LRRC61: variants seen among roughly 807,000 people sequenced by gnomAD.
The protein encoded by LRRC61 is leucine rich repeat containing 61.
In LRRC61, 9 loss-of-function variants were observed where a neutral mutation model predicts 15.1. That is an observed-to-expected ratio of 0.60 (90% confidence interval 0.36 to 1.04). The LOEUF is 1.04. Ranked by LOEUF, LRRC61 falls within the 50% of genes least tolerant of loss-of-function variation. The pLI is 0.01. For missense variants in LRRC61, 344 were observed against 335.6 expected (o/e 1.03, Z -0.20); for synonymous variants, 173 against 158.6 (o/e 1.09, Z -0.68).
rs963621244 is a variant in LRRC61, at chr7:150,335,882, T to C, written c.-144-836T>C. On this transcript the variant is annotated intron_variant, in intron 2 of 2. Transcript: ENST00000359623. This position sits in a 1 kb window ranked among gnomAD's most constrained non-coding sequence, Gnocchi z 4.3. ...GCAATTTGATGTGCCCCTCCCGGCT[T>C]TCTGGAGCCACCCTTCCCTCCCTCC... Among the ~76,000 whole-genome samples, 1 of 152,260 alleles carries C rather than the reference T, an allele frequency of 6.6e-6. No homozygotes were observed. Among genetic ancestry groups the C allele is most frequent in the African/African-American group, 2.4e-5 (1 of 41,474 alleles).
Position 150,336,703 on chromosome 7 carries a change from A to ACTGT in LRRC61, c.-144-12_-144-9dup. ...CACAGAAAGTGCTGCCTGCTGACTG[A>ACTGT]CTGTCTCTCCTCAGGGACTGGCTGG... On this transcript the variant is annotated splice_polypyrimidine_tract_variant and intron_variant, in intron 2 of 2. Coordinates refer to ENST00000359623, the MANE Select transcript of LRRC61 (RefSeq NM_001142928.2). 1 of 919,210 alleles carries ACTGT rather than the reference A, an allele frequency of 1.1e-6. No homozygotes were observed. Among genetic ancestry groups the ACTGT allele is most frequent in the Non-Finnish European group, 1.6e-6 (1 of 613,700 alleles). 56.9% of individuals were successfully genotyped at this position (919,210 alleles called of 1,614,324 possible).
upstream of LRRC61, among the ~76,000 whole-genome samples, chr7:150,320,802 C>G (rs2129617695): frequency 6.6e-6 from 1 of 152,296 alleles, no homozygotes; most frequent in Non-Finnish European, 1.5e-5. Flanking sequence ...TTTCCATTAA[C>G]TTGTTTCCTC....
intron 2 of LRRC61, among the ~76,000 whole-genome samples, chr7:150,334,314 G>A (rs1490063413): frequency 6.6e-6 from 1 of 152,074 alleles, no homozygotes; most frequent in African/African-American, 2.4e-5. Context: ...TAGTAGTGTT[G>A]GTCTCACTCC....
rs781373331 is a variant in LRRC61, at chr7:150,330,822, T to A, written c.-145+4812T>A. 5.6e-6 allele frequency: 9 copies of A among 1,609,618 alleles called. No homozygotes were observed. In the South Asian group the frequency reaches 7.7e-5, roughly 14 times the overall value. On this transcript the variant is annotated intron_variant, in intron 2 of 2. Coordinates refer to ENST00000359623, the MANE Select transcript of LRRC61 (RefSeq NM_001142928.2). This position sits in a 1 kb window ranked among gnomAD's most constrained non-coding sequence, Gnocchi z 4.6. The stretch of plus-strand genomic sequence containing the variant: ...GGACCCCACCAGGGTAGCCAAGAGC[T>A]CCGGGGTGGAGGGGAGAAGCCAGGG...
intron 2 of LRRC61, among the ~76,000 whole-genome samples, chr7:150,329,282 G>A (rs1296979654): frequency 2.6e-5 from 4 of 152,252 alleles, no homozygotes; most frequent in Non-Finnish European, 4.4e-5. Context: ...GTGAGGGACC[G>A]AGATTAAAGT....
At chr7:150,334,298 G>A (rs1043463343) in intron 2 of LRRC61, among the ~76,000 whole-genome samples, 5 of 152,148 alleles carry the variant, frequency 3.3e-5, no homozygotes, top group Admixed American at 1.3e-4. Flanking sequence ...GTCCAGTGGG[G>A]CGTCCTAGTA....
chr7:150,317,072 C>CATTTATTT, the LRRC61 span, among the ~76,000 whole-genome samples: 1 of 150,968 alleles, frequency 6.6e-6, no homozygotes, highest in African/African-American at 2.4e-5. Flanking sequence ...TTCTTTCCTT[C>CATTTATTT]ATTTATTTAT....
chr7:150,323,731 A>G (rs1284964489), intron 1 of LRRC61, 171 bp downstream of exon 1: 6 of 454,706 alleles, frequency 1.3e-5, no homozygotes, highest in African/African-American at 1.2e-4. Flanking sequence ...CTCTGTGCCG[A>G]GAACTGCCCT....
Position 150,335,971 on chromosome 7 carries a change from G to T in LRRC61, c.-144-747G>T, listed in dbSNP as rs141185982. Among the ~76,000 whole-genome samples the T allele has an allele frequency of 6.6e-6, 1 of 152,204 alleles. No homozygotes were observed. The highest frequency in any genetic ancestry group is 2.4e-5 in the African/African-American group (1 of 41,448). On this transcript the variant is annotated intron_variant, in intron 2 of 2. Coordinates refer to ENST00000359623, the MANE Select transcript of LRRC61 (RefSeq NM_001142928.2). This position sits in a 1 kb window ranked among gnomAD's most constrained non-coding sequence, Gnocchi z 4.3. ...CAGCTGGCACCGTGCTGTCTGGCAC[G>T]TATATCAGTGCTGTTCCATTGATCT... is the stretch of plus-strand genomic sequence containing the variant.
Position 150,330,245 on chromosome 7 carries a change from C to T in LRRC61, c.-145+4235C>T. 1 of 616,490 alleles carries T rather than the reference C, an allele frequency of 1.6e-6. No homozygotes were observed. 38.2% of individuals were successfully genotyped at this position (616,490 alleles called of 1,614,324 possible). A position where few individuals can be genotyped will look rare whatever the true frequency, so the allele number is the denominator to read the frequency against. On this transcript the variant is annotated intron_variant, in intron 2 of 2. Coordinates refer to ENST00000359623, the MANE Select transcript of LRRC61 (RefSeq NM_001142928.2). This position sits in a 1 kb window ranked among gnomAD's most constrained non-coding sequence, Gnocchi z 4.6. ...AGCCCTTTGAGGAGCTCTTGGACCA[C>T]TGGGTCTCGGCCTACCACCTGCTGG...
At chr7:150,324,164 ATGT>A (rs546308216) in intron 1 of LRRC61, among the ~76,000 whole-genome samples, 2 of 151,850 alleles carry the variant, frequency 1.3e-5, no homozygotes, top group South Asian at 2.1e-4. Context: ...CTTCTCACAG[ATGT>A]TGTGGAGGAA....
chr7:150,319,968 C>G (rs911046094), upstream of LRRC61, among the ~76,000 whole-genome samples: 2 of 152,240 alleles, frequency 1.3e-5, no homozygotes, highest in Non-Finnish European at 2.9e-5. Flanking sequence ...ACAGGAAGAT[C>G]AGCATTTCCT....
intron 2 of LRRC61, among the ~76,000 whole-genome samples, chr7:150,336,403 G>C (rs1314209894): frequency 6.6e-6 from 1 of 152,246 alleles, no homozygotes; most frequent in South Asian, 2.1e-4. Flanking sequence ...TGGATCGTGA[G>C]TGGTTACGGA....
At chr7:150,329,170 T>A (rs1798031067) in intron 2 of LRRC61, among the ~76,000 whole-genome samples, 1 of 152,218 alleles carries the variant, frequency 6.6e-6, no homozygotes, top group South Asian at 2.1e-4. Flanking sequence ...ATATAGTTGC[T>A]CTTCGTGGTT....
chr7:150,331,784 G>C (rs879304917), intron 2 of LRRC61: 2 of 167,132 alleles, frequency 1.2e-5, no homozygotes, highest in Non-Finnish European at 2.9e-5. Context: ...TGGGGGCCTG[G>C]ATAAGCTATT....
intron 2 of LRRC61, chr7:150,331,188 G>GCATCTCC: frequency 1.4e-6 from 2 of 1,454,442 alleles, no homozygotes; most frequent in Admixed American, 4.6e-5. Flanking sequence ...AAGCCATTGA[G>GCATCTCC]CATCTCCTCT....
Position 150,335,211 on chromosome 7 carries a change from C to T in LRRC61, c.-144-1507C>T, listed in dbSNP as rs1341577229. The stretch of plus-strand genomic sequence containing the variant: ...CCTGGTGCTCCTCCTGCACCCCCCA[C>T]GTTAGGGGCCAGAGCAGCTTTAATC... On this transcript the variant is annotated intron_variant, in intron 2 of 2. Coordinates refer to ENST00000359623, the MANE Select transcript of LRRC61 (RefSeq NM_001142928.2). This position sits in a 1 kb window ranked among gnomAD's most constrained non-coding sequence, Gnocchi z 4.3. 6.6e-5 allele frequency among the ~76,000 whole-genome samples: 10 copies of T among 152,284 alleles called. No homozygotes were observed. Among genetic ancestry groups the T allele is most frequent in the Non-Finnish European group, 1.3e-4 (9 of 68,018 alleles).
intron 2 of LRRC61, among the ~76,000 whole-genome samples, chr7:150,328,442 C>A (rs980154852): frequency 3.9e-5 from 6 of 152,164 alleles, no homozygotes; most frequent in African/African-American, 1.4e-4. Flanking sequence ...CAAACTAGGC[C>A]ACCTAGCAGT....
In LRRC61 at chr7:150,330,196, G is replaced by A. The variant is rs1011679201; in HGVS notation, c.-145+4186G>A. On this transcript the variant is annotated intron_variant, in intron 2 of 2. Coordinates refer to ENST00000359623, the MANE Select transcript of LRRC61 (RefSeq NM_001142928.2). This position sits in a 1 kb window ranked among gnomAD's most constrained non-coding sequence, Gnocchi z 4.6. ...CAGGGACTCCTCACCCAGCTCCAGC[G>A]CCAGCGCAGCCTCCTAGCCCACCAG... 1.5e-5 allele frequency: 9 copies of A among 589,504 alleles called. No homozygotes were observed. Among genetic ancestry groups the A allele is most frequent in the Admixed American group, 6.2e-5 (2 of 32,360 alleles). The allele number at this position is 589,504 out of a possible 1,614,324, so 36.5% of individuals were successfully genotyped here.
Sources: allele counts gnomAD v4.1 joint callset (sites outside exome capture counted in the v4.1 genomes callset), GRCh38; gene constraint gnomAD v4.1.1; non-coding constraint Gnocchi (gnomAD v3.1); transcripts MANE v1.5; gene names NCBI Gene and HGNC (gene_info 2026-07-23, HGNC 2026-07-21).